RBFOX2: variants seen among roughly 807,000 people sequenced by gnomAD.
RBFOX2 encodes RNA binding protein fox-1 homolog 2.
Under a neutral mutation model 49.1 loss-of-function variants are expected in RBFOX2, and 10 were observed. The observed-to-expected ratio is 0.20, with a 90% CI of 0.13 to 0.35. The LOEUF is 0.35. Among genes scored for constraint, RBFOX2 ranks in the 10% least tolerant of loss-of-function variants. The pLI is 1.00. For missense variants in RBFOX2, 323 were observed against 486.9 expected, an observed-to-expected ratio of 0.66 and a Z score of 3.17; for synonymous variants, 183 against 187.4, an observed-to-expected ratio of 0.98 and a Z score of 0.19.
intron 1 of RBFOX2, among the ~76,000 whole-genome samples, chr22:35,956,471 C>T (rs2055568178): frequency 6.6e-6 from 1 of 152,034 alleles, no homozygotes; most frequent in South Asian, 2.1e-4. Context: ...AAGCAATTTT[C>T]CCACCTCAGC....
chr22:35,764,380 T>C (rs755401386), intron 6 of RBFOX2, among the ~76,000 whole-genome samples: 10 of 152,038 alleles, frequency 6.6e-5, no homozygotes, highest in East Asian at 3.9e-4. Flanking sequence ...GTCAGGAGGT[T>C]GAGACCATCC....
chr22:36,014,563 A>T (rs2058961079), intron 1 of RBFOX2, among the ~76,000 whole-genome samples: 2 of 152,306 alleles, frequency 1.3e-5, no homozygotes, highest in East Asian at 3.9e-4. Flanking sequence ...CTTGCTTCTA[A>T]CACTGCAAAA....
intron 1 of RBFOX2, among the ~76,000 whole-genome samples, chr22:35,958,646 T>G (rs1484945965): frequency 6.6e-6 from 1 of 152,218 alleles, no homozygotes; most frequent in Non-Finnish European, 1.5e-5. Context: ...TGCTCATTAC[T>G]TACCAATTCA....
intron 1 of RBFOX2, among the ~76,000 whole-genome samples, chr22:35,913,226 C>A (rs987889926): frequency 1.3e-5 from 2 of 151,942 alleles, no homozygotes; most frequent in Non-Finnish European, 2.9e-5. Context: ...ATAATCCCAG[C>A]ACTTTGAGAG....
rs572719997 is a variant in RBFOX2, at chr22:36,016,208, G to GA, written c.186+12031dup. 5.0e-4 allele frequency among the ~76,000 whole-genome samples: 74 copies of GA among 148,428 alleles called. 1 individual carries two copies. The highest frequency in any genetic ancestry group is 6.4e-4 in the African/African-American group (26 of 40,340). On this transcript the variant is annotated intron_variant, in intron 1 of 13. Coordinates refer to the RBFOX2 transcript ENST00000438146. The stretch of plus-strand genomic sequence containing the variant: ...TTGTATGGGAAAAAGCTTCTTAAAA[G>GA]AAAAAAAAAAGCAATTGAAAGAAAT...
intron 1 of RBFOX2, chr22:35,897,695 T>A: frequency 9.3e-7 from 1 of 1,075,412 alleles, no homozygotes; most frequent in Non-Finnish European, 1.4e-6. Flanking sequence ...ACTGGTTGTT[T>A]AACTGCCTTC....
intron 1 of RBFOX2, among the ~76,000 whole-genome samples, chr22:35,833,159 C>T (rs1957094313): frequency 6.6e-6 from 1 of 152,090 alleles, no homozygotes; most frequent in South Asian, 2.1e-4. Flanking sequence ...TAAATTAATG[C>T]AACTAGTCCA....
intron 2 of RBFOX2, among the ~76,000 whole-genome samples, chr22:35,793,334 T>C (rs1948150297): frequency 6.6e-6 from 1 of 152,168 alleles, no homozygotes; most frequent in Non-Finnish European, 1.5e-5. Context: ...AACCACGCCA[T>C]CACACTCTAG....
intron 1 of RBFOX2, among the ~76,000 whole-genome samples, chr22:35,931,316 TAAAAAAAAA>T (rs75649440): frequency 7.4e-6 from 1 of 135,328 alleles, no homozygotes; most frequent in Non-Finnish European, 1.6e-5. Context: ...CATGTTTAGT[TAAAAAAAAA>T]AAAAAAAAGA....
intron 3 of RBFOX2, among the ~76,000 whole-genome samples, chr22:35,779,771 A>G (rs1480385941): frequency 2.0e-5 from 3 of 152,194 alleles, no homozygotes; most frequent in Non-Finnish European, 4.4e-5. Flanking sequence ...AGTAACAGAG[A>G]GTCACAATGT....
At chr22:35,922,146 G>GT (rs577832511) in intron 1 of RBFOX2, among the ~76,000 whole-genome samples, 134 of 152,328 alleles carry the variant, frequency 8.8e-4, no homozygotes, top group African/African-American at 3.1e-3. Context: ...GGAACAAAAA[G>GT]TGAACAGCAT....
chr22:36,004,674 T>A (rs563547452), intron 1 of RBFOX2, among the ~76,000 whole-genome samples: 1 of 152,246 alleles, frequency 6.6e-6, no homozygotes, highest in Admixed American at 6.5e-5. Flanking sequence ...CAAGTGCCTG[T>A]AATCCCAGCT....
chr22:35,757,747 T>G (rs1479900029), intron 9 of RBFOX2, among the ~76,000 whole-genome samples: 2 of 152,202 alleles, frequency 1.3e-5, no homozygotes, highest in East Asian at 3.8e-4. Context: ...AGTCTCCAGT[T>G]GCAGTTAAAG....
At chr22:35,946,078 G>A (rs2054247978) in intron 1 of RBFOX2, among the ~76,000 whole-genome samples, 1 of 152,032 alleles carries the variant, frequency 6.6e-6, no homozygotes, top group Non-Finnish European at 1.5e-5. Context: ...CTGGGTTCTT[G>A]AAGATTATCT....
intron 3 of RBFOX2, 76 bp downstream of exon 4, chr22:35,781,524 T>C: frequency 6.6e-7 from 1 of 1,512,758 alleles, no homozygotes; most frequent in South Asian, 1.2e-5. Context: ...CCTAAAGTAA[T>C]AATGACTAAT....
chr22:35,781,539 C>T, intron 3 of RBFOX2, 61 bp downstream of exon 4: 1 of 1,565,808 alleles, frequency 6.4e-7, no homozygotes, highest in Admixed American at 1.8e-5. Flanking sequence ...ACTAATAACA[C>T]ATCTGGGGGA....
At chr22:35,860,518 G>A (rs2149079500) in intron 1 of RBFOX2, among the ~76,000 whole-genome samples, 1 of 152,336 alleles carries the variant, frequency 6.6e-6, no homozygotes, top group Non-Finnish European at 1.5e-5. Context: ...TTGTTACACA[G>A]CAAAACCTAA....
chr22:35,870,204 A>C (rs947362211), intron 1 of RBFOX2, among the ~76,000 whole-genome samples: 5 of 152,194 alleles, frequency 3.3e-5, no homozygotes, highest in Non-Finnish European at 7.3e-5. Flanking sequence ...GAGGCCCAGG[A>C]GTTTCTATTT....
At chr22:35,765,564 G>A (rs1940683041) in intron 5 of RBFOX2, 81 bp from the exon 7 acceptor site, 4 of 710,694 alleles carry the variant, frequency 5.6e-6, no homozygotes, top group Middle Eastern at 2.5e-4. Flanking sequence ...CAATAACAGA[G>A]TATTTAGTTT....
Sources: allele counts gnomAD v4.1 joint callset (sites outside exome capture counted in the v4.1 genomes callset), GRCh38; gene constraint gnomAD v4.1.1; transcripts MANE v1.5; gene names NCBI Gene and HGNC (gene_info 2026-07-23, HGNC 2026-07-21).